LLGL2: variants seen among roughly 807,000 people sequenced by gnomAD.
LLGL2 encodes LLGL scribble cell polarity complex component 2.
In LLGL2, 81 loss-of-function variants were observed where a neutral mutation model predicts 123.2. The ratio of observed to expected loss-of-function variants is 0.66; its 90% CI spans 0.55 to 0.79. The LOEUF is 0.79. LLGL2 is among the 30% of genes least tolerant of loss of function. The pLI is 0.00. For missense variants in LLGL2, 1,273 were observed against 1,414.6 expected (o/e 0.90, Z 1.61); for synonymous variants, 577 against 594.1 (o/e 0.97, Z 0.42).
chr17:75,572,198 A>G, intron 19 of LLGL2, 134 bp downstream of exon 19: 1 of 889,402 alleles, frequency 1.1e-6, no homozygotes, highest in Non-Finnish European at 1.7e-6. Flanking sequence ...AAGTACAGGA[A>G]ATAAGTGAGG....
intron 2 of LLGL2, among the ~76,000 whole-genome samples, chr17:75,553,645 T>A (rs1029898379): frequency 6.6e-6 from 1 of 152,198 alleles, no homozygotes; most frequent in Non-Finnish European, 1.5e-5. Flanking sequence ...AAGCAATCAG[T>A]TGACATAGCA....
rs541925045 is a variant in LLGL2 at position 75,540,219 on chromosome 17, G to A, written c.-30-3178G>A. Among the ~76,000 whole-genome samples, 61 of 152,282 alleles carry A rather than the reference G, an allele frequency of 4.0e-4. 1 individual carries two copies. Among genetic ancestry groups the A allele is most frequent in the Admixed American group, 1.3e-4 (2 of 15,304 alleles). On this transcript the variant is annotated intron_variant, in intron 1 of 25. Coordinates refer to ENST00000392550, the MANE Select transcript of LLGL2 (RefSeq NM_001031803.2). ...TAGGCAGGATCTGTTCATACCAGGC[G>A]TCTCTAGGCCTGGCTTCCTGAAGTT...
chr17:75,568,657 C>A lies in LLGL2; in HGVS notation c.1218C>A (p.Ala406=), dbSNP rs544146253. 1 of 1,613,752 alleles carries A rather than the reference C, an allele frequency of 6.2e-7. No homozygotes were observed. Among genetic ancestry groups the A allele is most frequent in the Admixed American group, 1.7e-5 (1 of 60,020 alleles). The change falls in exon 11 of 26, where the codon GCC becomes GCA. Residue 406 remains alanine, a synonymous_variant. Transcript: ENST00000392550. ...TGAAGCTGTGGGAGCGGATCATTGC[C>A]GCCGGCAGCCGGCAGAACGCACACT... ...IPLKLWERII[A]AGSRQNAHFS...
In LLGL2 at chr17:75,536,306, A is replaced by G. The variant is rs146433900; in HGVS notation, c.-30-7091A>G. On this transcript the variant is annotated intron_variant, in intron 1 of 25. Coordinates refer to ENST00000392550, the MANE Select transcript of LLGL2 (RefSeq NM_001031803.2). Reference sequence around the variant, plus strand: ...GGGCTCCTGAACTTGTCTCTTCTCCACATTCCTCCCAGGTGTGTCACTTAA... The same window carrying G: ...GGGCTCCTGAACTTGTCTCTTCTCCGCATTCCTCCCAGGTGTGTCACTTAA... 8.5e-5 allele frequency among the ~76,000 whole-genome samples: 13 copies of G among 152,258 alleles called. No individual in the cohort carries two copies. In the East Asian group the frequency reaches 1.4e-3, roughly 16 times the overall value.
intron 14 of LLGL2, 92 bp from the exon 15 acceptor site, chr17:75,569,871 G>A (rs2055618133): frequency 1.4e-6 from 2 of 1,380,006 alleles, no homozygotes; most frequent in Non-Finnish European, 2.0e-6. Context: ...TGAGCCTTGG[G>A]CCCAGCTCCT....
chr17:75,549,557 C>T lies in LLGL2; in HGVS notation c.75+6056C>T, dbSNP rs1241005032. 6.6e-6 allele frequency among the ~76,000 whole-genome samples: 1 copy of T among 152,192 alleles called. No homozygotes were observed. Among genetic ancestry groups the T allele is most frequent in the Non-Finnish European group, 1.5e-5 (1 of 68,028 alleles). On this transcript the variant is annotated intron_variant, in intron 2 of 25. Transcript: ENST00000392550. The surrounding 1 kb of genome is among the most constrained non-coding windows in gnomAD (Gnocchi z 4.0). ...GTATTGGCTTTCGAATGGCTGGGCCCCTGGTGTCAGGTGACAGCAGCCACA... is the reference window on the plus strand; with the variant it reads ...GTATTGGCTTTCGAATGGCTGGGCCTCTGGTGTCAGGTGACAGCAGCCACA...
At chr17:75,567,648 A>AT (rs2055501736) in intron 10 of LLGL2, among the ~76,000 whole-genome samples, 2 of 150,046 alleles carry the variant, frequency 1.3e-5, no homozygotes, top group Admixed American at 6.6e-5. Flanking sequence ...CAAAAAAAAA[A>AT]GAGAAAAAAA....
At position 75,569,337 on chromosome 17, in the gene LLGL2, G is replaced by A. The variant is rs763621790; in HGVS notation, c.1581+12G>A. The A allele has an allele frequency of 6.2e-7, 1 of 1,604,130 alleles. No homozygotes were observed. The highest frequency in any genetic ancestry group is 8.5e-7 in the Non-Finnish European group (1 of 1,172,038). On this transcript the variant is annotated intron_variant, in intron 14 of 25. Coordinates refer to ENST00000392550, the MANE Select transcript of LLGL2 (RefSeq NM_001031803.2). ...GCACGGCAGGGCAGGTAGCAGGCTG[G>A]GCTGGGGAGGGGGAGCTGGGGAGGA...
At chr17:75,532,926 G>T (rs547994467) in intron 1 of LLGL2, among the ~76,000 whole-genome samples, 1 of 152,190 alleles carries the variant, frequency 6.6e-6, no homozygotes, top group Non-Finnish European at 1.5e-5. Flanking sequence ...TCAGTGTTTC[G>T]TGGGGTCAGT....
intron 6 of LLGL2, 123 bp from the exon 7 acceptor site, chr17:75,562,893 C>T (rs2147447950): frequency 2.4e-6 from 3 of 1,230,798 alleles, no homozygotes; most frequent in East Asian, 2.5e-5. Context: ...AGCCCCTAGC[C>T]ATATTTCTAT....
At chr17:75,554,652 T>G (rs1437585784) in intron 2 of LLGL2, among the ~76,000 whole-genome samples, 1 of 151,788 alleles carries the variant, frequency 6.6e-6, no homozygotes, top group African/African-American at 2.4e-5. Context: ...ATGCCTGTAA[T>G]CCCAGCACTT....
At chr17:75,548,066 A>G (rs1344881061) in intron 2 of LLGL2, among the ~76,000 whole-genome samples, 2 of 152,194 alleles carry the variant, frequency 1.3e-5, no homozygotes, top group Non-Finnish European at 2.9e-5. Context: ...CTGAAAGGGA[A>G]TGCTCACTGG....
intron 1 of LLGL2, among the ~76,000 whole-genome samples, chr17:75,528,449 G>T (rs1012792789): frequency 6.6e-6 from 1 of 151,796 alleles, no homozygotes; most frequent in Admixed American, 6.6e-5. Context: ...AACATTAAAA[G>T]AAAAAAAGGC....
chr17:75,559,386 T>A lies in LLGL2; in HGVS notation c.506T>A (p.Ile169Asn). Residue 169 changes from isoleucine (I) to asparagine (N), a missense_variant, in exon 6 of 26, where the codon ATC (isoleucine) becomes AAC (asparagine). Ile to Asn is a moderately radical substitution (Grantham distance 149). Coordinates refer to ENST00000392550, the MANE Select transcript of LLGL2 (RefSeq NM_001031803.2). The surrounding 1 kb of genome is among the most constrained non-coding windows in gnomAD (Gnocchi z 4.6). The stretch of plus-strand genomic sequence containing the variant: ...TTTCGTGCGCTGGAGGACCGGACCA[T>A]CAGCTCGGACGCGGTGCTGCAGCGG... ...PAFRALEDRT[I>N]SSDAVLQRLP... 5 of 1,611,934 alleles carry A rather than the reference T, an allele frequency of 3.1e-6. No homozygotes were observed. The highest frequency in any genetic ancestry group is 4.2e-6 in the Non-Finnish European group (5 of 1,179,392).
At position 75,564,565 on chromosome 17, in the gene LLGL2, C is replaced by T. The variant is rs1407958722; in HGVS notation, c.1036+58C>T. 6.2e-7 allele frequency: 1 copy of T among 1,602,106 alleles called. No individual in the cohort carries two copies. Among genetic ancestry groups the T allele is most frequent in the African/African-American group, 1.3e-5 (1 of 74,744 alleles). On this transcript the variant is annotated intron_variant, in intron 10 of 25. Transcript: ENST00000392550. The surrounding 1 kb of genome is among the most constrained non-coding windows in gnomAD (Gnocchi z 4.9). ...TAGGTGTGGGAGGCATGGGGCAGGA[C>T]CATCAGTAAAGACAGGGCCAGGTGC...
rs894050882 is a variant in LLGL2, at chr17:75,558,785, G to C, written c.371+158G>C. Among the ~76,000 whole-genome samples the C allele has an allele frequency of 1.3e-4, 20 of 152,012 alleles. 1 individual carries two copies. The highest frequency in any genetic ancestry group is 1.2e-3 in the Admixed American group (18 of 15,286). ...TCGCCACACTCAGGTGCTCCGAGTG[G>C]AGTGGGCGGGGCTGCAGCCTGCCTC... On this transcript the variant is annotated intron_variant, in intron 5 of 25. Coordinates refer to ENST00000392550, the MANE Select transcript of LLGL2 (RefSeq NM_001031803.2). This position sits in a 1 kb window ranked among gnomAD's most constrained non-coding sequence, Gnocchi z 4.0.
chr17:75,537,918 C>T (rs970448111), intron 1 of LLGL2, among the ~76,000 whole-genome samples: 6 of 151,088 alleles, frequency 4.0e-5, no homozygotes, highest in South Asian at 4.2e-4. Context: ...AAGCAATTCT[C>T]CTGCCTCAGC....
intron 10 of LLGL2, among the ~76,000 whole-genome samples, chr17:75,566,179 A>G (rs1166004102): frequency 6.6e-6 from 1 of 152,220 alleles, no homozygotes; most frequent in Non-Finnish European, 1.5e-5. Context: ...AGAGGGCAGA[A>G]TGGCCCCCGT....
At chr17:75,529,952 C>T (rs547927888) in intron 1 of LLGL2, among the ~76,000 whole-genome samples, 3 of 152,314 alleles carry the variant, frequency 2.0e-5, no homozygotes, top group Admixed American at 1.3e-4. Flanking sequence ...CGAGTCCTTG[C>T]TGTGTGACCC....
Sources: gnomAD v4.1 joint callset for allele counts (sites outside exome capture counted in the v4.1 genomes callset) on GRCh38, gnomAD v4.1.1 for gene constraint, Gnocchi (gnomAD v3.1) non-coding constraint, MANE v1.5 for transcripts, NCBI Gene and HGNC (gene_info 2026-07-23, HGNC 2026-07-21) for gene names.